Variants in GPC5 observed in about 807,000 individuals in gnomAD.
The protein encoded by GPC5 is glypican 5, also known as glypican-5.
Under a neutral mutation model 53.9 loss-of-function variants are expected in GPC5, and 47 were observed. The ratio of observed to expected loss-of-function variants is 0.87; its 90% confidence interval spans 0.69 to 1.11. GPC5 has a LOEUF of 1.11. Ranked by LOEUF, GPC5 falls within the 50% of genes most tolerant of loss-of-function variation. The probability of loss-of-function intolerance (pLI) is 0.00; values close to 1 mark genes in which losing one functional copy is unlikely to be tolerated. For missense variants in GPC5, 748 were observed against 713.1 expected (o/e 1.05, Z -0.56); for synonymous variants, 286 against 263.3 (o/e 1.09, Z -0.84).
chr13:92,349,074 T>C (rs1221156476), intron 7 of GPC5, among the ~76,000 whole-genome samples: 1 of 152,170 alleles, frequency 6.6e-6, no homozygotes, highest in Non-Finnish European at 1.5e-5. Flanking sequence ...TAGAAGTTAA[T>C]GAAATGGAGA....
At chr13:91,707,634 AAAAC>A (rs1282794512) in intron 3 of GPC5, among the ~76,000 whole-genome samples, 1 of 152,166 alleles carries the variant, frequency 6.6e-6, no homozygotes, top group Non-Finnish European at 1.5e-5. Flanking sequence ...AAAAATAATA[AAAAC>A]AAAGATAAAT....
At chr13:91,767,542 A>C (rs908818455) in intron 5 of GPC5, among the ~76,000 whole-genome samples, 1 of 152,204 alleles carries the variant, frequency 6.6e-6, no homozygotes, top group Non-Finnish European at 1.5e-5. Context: ...GTTTTGGGTG[A>C]CACGGCAATT....
intron 7 of GPC5, among the ~76,000 whole-genome samples, chr13:92,310,871 G>A (rs562498043): frequency 1.3e-4 from 20 of 152,138 alleles, no homozygotes; most frequent in African/African-American, 4.1e-4. Flanking sequence ...CATAAACATA[G>A]CACTGATAAT....
intron 6 of GPC5, among the ~76,000 whole-genome samples, chr13:91,968,441 G>A (rs2040210095): frequency 6.6e-6 from 1 of 152,002 alleles, no homozygotes; most frequent in Admixed American, 6.6e-5. Flanking sequence ...AAATGTGATA[G>A]TTTTTAATGA....
intron 7 of GPC5, among the ~76,000 whole-genome samples, chr13:92,298,085 G>A (rs1331337060): frequency 2.0e-5 from 3 of 152,042 alleles, no homozygotes; most frequent in Non-Finnish European, 2.9e-5. Flanking sequence ...TGTTATGCAG[G>A]TTGTCAGGGA....
chr13:92,403,154 G>C (rs1008938099), intron 7 of GPC5, among the ~76,000 whole-genome samples: 1 of 152,126 alleles, frequency 6.6e-6, no homozygotes, highest in Admixed American at 6.5e-5. Flanking sequence ...AATTTGCAAA[G>C]TTTAAGACAA....
intron 7 of GPC5, among the ~76,000 whole-genome samples, chr13:92,857,488 A>G (rs1879038370): frequency 6.6e-6 from 1 of 152,190 alleles, no homozygotes; most frequent in African/African-American, 2.4e-5. Context: ...TAAACCAAAG[A>G]GCTTCTGTAC....
At chr13:92,418,006 A>T (rs532769696) in intron 7 of GPC5, among the ~76,000 whole-genome samples, 1 of 152,348 alleles carries the variant, frequency 6.6e-6, no homozygotes, top group South Asian at 2.1e-4. Flanking sequence ...ATACTTGCTA[A>T]ACATGGATGA....
At chr13:92,117,526 T>G (rs1359236387) in intron 6 of GPC5, among the ~76,000 whole-genome samples, 2 of 152,216 alleles carry the variant, frequency 1.3e-5, no homozygotes, top group Non-Finnish European at 2.9e-5. Flanking sequence ...GAAATCCTTG[T>G]GGCATTTGAT....
chr13:92,757,609 T>A (rs992791616), intron 7 of GPC5, among the ~76,000 whole-genome samples: 2 of 152,110 alleles, frequency 1.3e-5, no homozygotes, highest in Admixed American at 1.3e-4. Flanking sequence ...ATCCAGAATC[T>A]ACAATGAACT....
At chr13:92,476,721 AT>A (rs1260790720) in intron 7 of GPC5, among the ~76,000 whole-genome samples, 1 of 149,412 alleles carries the variant, frequency 6.7e-6, no homozygotes, top group Non-Finnish European at 1.5e-5. Flanking sequence ...GCCATAAAAA[AT>A]GATGAGTTCA....
intron 7 of GPC5, among the ~76,000 whole-genome samples, chr13:92,843,623 A>G (rs1412077071): frequency 6.6e-6 from 1 of 152,196 alleles, no homozygotes; most frequent in Non-Finnish European, 1.5e-5. Flanking sequence ...ACAAATCAAA[A>G]GCAGGATGTG....
intron 3 of GPC5, among the ~76,000 whole-genome samples, chr13:91,726,547 A>G (rs1053103755): frequency 6.6e-6 from 1 of 152,162 alleles, no homozygotes; most frequent in Non-Finnish European, 1.5e-5. Context: ...ACCAGTCAGG[A>G]ACCCATCTTT....
chr13:91,866,948 G>T (rs2039090954), intron 5 of GPC5, among the ~76,000 whole-genome samples: 1 of 152,198 alleles, frequency 6.6e-6, no homozygotes, highest in Non-Finnish European at 1.5e-5. Context: ...GGACGTGGTG[G>T]CTCAGGCCTG....
At chr13:92,601,410 C>A (rs898506705) in intron 7 of GPC5, among the ~76,000 whole-genome samples, 2 of 151,586 alleles carry the variant, frequency 1.3e-5, no homozygotes, top group South Asian at 4.2e-4. Flanking sequence ...ACAAAATCAG[C>A]CGGGCATGGT....
intron 7 of GPC5, among the ~76,000 whole-genome samples, chr13:92,313,113 T>G (rs757230720): frequency 6.6e-6 from 1 of 152,046 alleles, no homozygotes; most frequent in Non-Finnish European, 1.5e-5. Context: ...GTCTGTCACC[T>G]CTCTCTCTCC....
intron 6 of GPC5, among the ~76,000 whole-genome samples, chr13:91,936,493 C>A (rs998429736): frequency 6.6e-6 from 1 of 152,002 alleles, no homozygotes; most frequent in Non-Finnish European, 1.5e-5. Context: ...TCATTTTTGC[C>A]ACAGAAATCT....
intron 7 of GPC5, among the ~76,000 whole-genome samples, chr13:92,192,911 T>G (rs1415053221): frequency 6.6e-6 from 1 of 152,230 alleles, no homozygotes; most frequent in Non-Finnish European, 1.5e-5. Flanking sequence ...GCGCTGTGGC[T>G]CATGCCTATA....
intron 5 of GPC5, among the ~76,000 whole-genome samples, chr13:91,799,688 A>C (rs1365872135): frequency 6.6e-6 from 1 of 152,192 alleles, no homozygotes; most frequent in Non-Finnish European, 1.5e-5. Flanking sequence ...CATAGGATGT[A>C]GTGTAGTGTT....
Sources: allele counts gnomAD v4.1 joint callset (sites outside exome capture counted in the v4.1 genomes callset), GRCh38; gene constraint gnomAD v4.1.1; transcripts MANE v1.5; gene names NCBI Gene and HGNC (gene_info 2026-07-23, HGNC 2026-07-21).